Variants in ATRNL1 observed in about 807,000 individuals in gnomAD.
ATRNL1 encodes the protein attractin-like protein 1.
A neutral mutation model predicts 182.7 loss-of-function variants in ATRNL1; 95 were observed. The observed-to-expected ratio is 0.52, with a 90% confidence interval of 0.44 to 0.62. The LOEUF (loss-of-function observed/expected upper bound fraction) is 0.62, where lower values mean the gene tolerates loss of function less well. Among genes scored for constraint, ATRNL1 ranks in the 20% least tolerant of loss-of-function variants. The pLI, the probability that ATRNL1 is intolerant of heterozygous loss-of-function variation, is 0.00. For synonymous variants in ATRNL1, 576 were observed against 568.3 expected (o/e 1.01, Z -0.19); for missense variants, 1,471 against 1,679.5 (o/e 0.88, Z 2.17).
chr10:115,904,746 C>A (rs927067600), intron 28 of ATRNL1, among the ~76,000 whole-genome samples: 2 of 152,194 alleles, frequency 1.3e-5, no homozygotes, highest in Non-Finnish European at 2.9e-5. Context: ...AACTCCCTAC[C>A]ATTTTCAAAT....
At chr10:115,776,452 G>A (rs1555077964) in intron 27 of ATRNL1, among the ~76,000 whole-genome samples, 1 of 152,144 alleles carries the variant, frequency 6.6e-6, no homozygotes, top group African/African-American at 2.4e-5. Flanking sequence ...CACTTCTTCT[G>A]TTAAGAGGTG....
intron 27 of ATRNL1, among the ~76,000 whole-genome samples, chr10:115,788,382 T>TTTTTCTTTATAAAGCC (rs139550549): frequency 0.047 from 7,184 of 152,258 alleles, 488 homozygotes; most frequent in African/African-American, 0.15. Flanking sequence ...TCTGTAAACA[T>TTTTTCTTTATAAAGCC]TCATATTTCT....
At chr10:115,661,839 T>C (rs1351159174) in intron 26 of ATRNL1, among the ~76,000 whole-genome samples, 1 of 152,100 alleles carries the variant, frequency 6.6e-6, no homozygotes, top group African/African-American at 2.4e-5. Flanking sequence ...GTTACATATG[T>C]ATACCTGTGC....
At chr10:115,320,597 T>C (rs1854531752) in intron 18 of ATRNL1, among the ~76,000 whole-genome samples, 1 of 152,194 alleles carries the variant, frequency 6.6e-6, no homozygotes. Flanking sequence ...CTTTTCATTC[T>C]TTTGTTTCTT....
intron 27 of ATRNL1, among the ~76,000 whole-genome samples, chr10:115,791,020 G>T (rs1328129905): frequency 6.6e-6 from 1 of 152,154 alleles, no homozygotes; most frequent in African/African-American, 2.4e-5. Flanking sequence ...GTGGTAATTA[G>T]AATCTGTCTA....
chr10:115,944,716 A>G lies in ATRNL1; in HGVS notation c.4077A>G (p.Lys1359=), dbSNP rs560330357. ...CACAACAGAAAGCTTCAGATAGTAA[A>G]GATAAGACTTCTGGAGTCCGGAATC... The part of the protein sequence containing the change: ...DISQQKASDS[K]DKTSGVRNRK... Residue 1359 remains lysine, a synonymous_variant, in exon 29 of 29, where the codon AAA becomes AAG. Transcript: ENST00000355044. 7.2e-4 allele frequency: 1,159 copies of G among 1,613,730 alleles called. 11 individuals carry two copies. In the South Asian group the frequency reaches 0.012, roughly 17 times the overall value.
At chr10:115,128,827 A>T (rs1845091662) in intron 4 of ATRNL1, among the ~76,000 whole-genome samples, 1 of 20,794 alleles carries the variant, frequency 4.8e-5, no homozygotes, top group African/African-American at 1.5e-4. Context: ...ACTGTGTCTC[A>T]AAAAAAAAAA....
chr10:115,764,459 C>T (rs1948807639), intron 27 of ATRNL1, among the ~76,000 whole-genome samples: 1 of 152,118 alleles, frequency 6.6e-6, no homozygotes, highest in African/African-American at 2.4e-5. Flanking sequence ...TGTACTCTGC[C>T]TATGCGTCCC....
At chr10:115,907,525 T>C (rs961243288) in intron 28 of ATRNL1, among the ~76,000 whole-genome samples, 1 of 152,168 alleles carries the variant, frequency 6.6e-6, no homozygotes, top group African/African-American at 2.4e-5. Flanking sequence ...AATTAAGAAA[T>C]CCCTTAATTT....
chr10:115,283,067 A>G (rs1375452828), intron 14 of ATRNL1, among the ~76,000 whole-genome samples: 25 of 152,064 alleles, frequency 1.6e-4, no homozygotes, highest in Non-Finnish European at 3.7e-4. Context: ...TGTCTGAAAG[A>G]GAATCTTTCT....
intron 26 of ATRNL1, among the ~76,000 whole-genome samples, chr10:115,641,807 G>A (rs1555030525): frequency 6.6e-6 from 1 of 151,480 alleles, no homozygotes; most frequent in African/African-American, 2.4e-5. Context: ...AGAAAAACAA[G>A]GTAATTCATT....
chr10:115,831,399 G>T (rs1555093673), intron 27 of ATRNL1, among the ~76,000 whole-genome samples: 1 of 152,024 alleles, frequency 6.6e-6, no homozygotes, highest in African/African-American at 2.4e-5. Flanking sequence ...TTTTTTAACA[G>T]ATTTTATTTG....
chr10:115,520,714 G>T (rs1288698719), intron 25 of ATRNL1, among the ~76,000 whole-genome samples: 2 of 152,018 alleles, frequency 1.3e-5, no homozygotes, highest in Admixed American at 1.3e-4. Flanking sequence ...CTCCATGTGG[G>T]CCCATATATA....
intron 24 of ATRNL1, among the ~76,000 whole-genome samples, chr10:115,508,321 A>G (rs1389818004): frequency 2.6e-5 from 4 of 152,008 alleles, no homozygotes; most frequent in African/African-American, 9.7e-5. Flanking sequence ...ATTGAGACAC[A>G]GCAATATTGA....
chr10:115,546,401 A>G (rs1397968012), intron 25 of ATRNL1, among the ~76,000 whole-genome samples: 2 of 151,854 alleles, frequency 1.3e-5, no homozygotes, highest in Non-Finnish European at 2.9e-5. Flanking sequence ...CGTCTCTACT[A>G]AAAATACAAA....
At chr10:115,338,192 C>T (rs1855581824) in intron 19 of ATRNL1, among the ~76,000 whole-genome samples, 1 of 152,140 alleles carries the variant, frequency 6.6e-6, no homozygotes, top group Non-Finnish European at 1.5e-5. Flanking sequence ...AACATTGTTG[C>T]AACGTAGGAG....
intron 9 of ATRNL1, among the ~76,000 whole-genome samples, chr10:115,218,217 A>G (rs938161804): frequency 6.6e-6 from 1 of 151,482 alleles, no homozygotes; most frequent in Non-Finnish European, 1.5e-5. Context: ...AGTGACACCG[A>G]AAGTGTTTTG....
intron 26 of ATRNL1, among the ~76,000 whole-genome samples, chr10:115,606,519 G>C (rs1856883175): frequency 6.6e-6 from 1 of 151,838 alleles, no homozygotes. Context: ...GTGCTTTTTG[G>C]GAAAATTTAA....
At chr10:115,293,393 G>A (rs1358856996) in intron 15 of ATRNL1, among the ~76,000 whole-genome samples, 1 of 151,908 alleles carries the variant, frequency 6.6e-6, no homozygotes, top group African/African-American at 2.4e-5. Flanking sequence ...TCAATTTATT[G>A]GTTGTTTTCT....
Sources: gnomAD v4.1 joint callset for allele counts (sites outside exome capture counted in the v4.1 genomes callset) on GRCh38, gnomAD v4.1.1 for gene constraint, MANE v1.5 for transcripts, NCBI Gene and HGNC (gene_info 2026-07-23, HGNC 2026-07-21) for gene names.